IP6K3: variants seen among roughly 807,000 people sequenced by gnomAD.
IP6K3 encodes the protein inositol hexakisphosphate kinase 3.
Under a neutral mutation model 28.8 loss-of-function variants are expected in IP6K3, and 20 were observed. That is an observed-to-expected ratio of 0.70 (90% CI 0.49 to 1.01). The LOEUF is 1.01. IP6K3 is among the 50% of genes least tolerant of loss of function. IP6K3 has a pLI of 0.00. For synonymous variants in IP6K3, 213 were observed against 221.3 expected (o/e 0.96, Z 0.33); for missense variants, 480 against 537.1 (o/e 0.89, Z 1.05).
chr6:33,739,073 C>G (rs1766629812), intron 1 of IP6K3: 1 of 152,252 alleles, frequency 6.6e-6, no homozygotes, highest in Non-Finnish European at 1.5e-5. Flanking sequence ...CAGCAGGGAA[C>G]TGGTTCCTGC....
rs1419243300 is a variant in IP6K3 at position 33,722,828 on chromosome 6, G to A, written c.1125C>T (p.Tyr375=). The change falls in exon 6 of 6, where the codon TAC becomes TAT. Residue 375 remains tyrosine (Y), a synonymous_variant. Transcript: ENST00000293756. ...IRMIDFAHTT[Y]KGYWNEHTTY... ...TGGTGTGCTCATTCCAGTAGCCCTTGTATGTGGTATGAGCAAAGTCAATCA... is the reference window on the plus strand; with the variant it reads ...TGGTGTGCTCATTCCAGTAGCCCTTATATGTGGTATGAGCAAAGTCAATCA... 2 of 1,614,068 alleles carry A rather than the reference G, an allele frequency of 1.2e-6. No individual in the cohort carries two copies. The highest frequency in any genetic ancestry group is 1.7e-6 in the Non-Finnish European group (2 of 1,180,028).
upstream of IP6K3, among the ~76,000 whole-genome samples, chr6:33,748,741 C>T (rs904485521): frequency 3.3e-5 from 5 of 151,462 alleles, no homozygotes; most frequent in Admixed American, 1.3e-4. Flanking sequence ...TGGCTGAGCT[C>T]CTCTCCCATC....
chr6:33,733,485 C>G (rs962362399), intron 2 of IP6K3, among the ~76,000 whole-genome samples: 1 of 152,258 alleles, frequency 6.6e-6, no homozygotes, highest in Non-Finnish European at 1.5e-5. Flanking sequence ...TCCCACTTAG[C>G]CTGCGGCTGC....
chr6:33,725,547 GT>G lies in IP6K3; in HGVS notation c.658del (p.Thr220ProfsTer17). ...CGATGCATCATCGCCGTGCTGCCGG[GT>G]CCCCATCTTCAGATCCAGGACACAG... is the stretch of plus-strand genomic sequence containing the variant. ...HPCVLDLKMGTRQHGDDASEE... is the reference protein window; with the variant it reads ...HPCVLDLKMGXRQHGDDASEE... On this transcript the variant is annotated frameshift_variant, in exon 5 of 6. Coordinates refer to ENST00000293756, the MANE Select transcript of IP6K3 (RefSeq NM_054111.5). LOFTEE classifies it high-confidence loss of function. 6.2e-7 allele frequency: 1 copy of G among 1,614,150 alleles called. No individual in the cohort carries two copies. The highest frequency in any genetic ancestry group is 8.5e-7 in the Non-Finnish European group (1 of 1,180,032).
upstream of IP6K3, among the ~76,000 whole-genome samples, chr6:33,751,133 G>C (rs965249068): frequency 5.3e-5 from 8 of 152,130 alleles, no homozygotes; most frequent in Non-Finnish European, 8.8e-5. This position sits in a 1 kb window ranked among gnomAD's most constrained non-coding sequence, Gnocchi z 4.3. Flanking sequence ...TTGCAGCAAG[G>C]GGGGGCCTTG....
upstream of IP6K3, among the ~76,000 whole-genome samples, chr6:33,748,866 G>A (rs1166275934): frequency 1.3e-5 from 2 of 151,726 alleles, no homozygotes; most frequent in Admixed American, 6.6e-5. Flanking sequence ...GTGGGGATCC[G>A]ATCCTCCCCT....
chr6:33,737,222 C>T (rs559555293), intron 1 of IP6K3, among the ~76,000 whole-genome samples: 34 of 152,298 alleles, frequency 2.2e-4, no homozygotes, highest in Admixed American at 1.3e-3. Flanking sequence ...CCCCTAAAGA[C>T]GTCCTGACTT....
the IP6K3 span, among the ~76,000 whole-genome samples, chr6:33,757,623 G>T: frequency 6.6e-6 from 1 of 152,198 alleles, no homozygotes; most frequent in Non-Finnish European, 1.5e-5. Context: ...GCTAGTTCTC[G>T]TGGGATTTAT....
the IP6K3 span, among the ~76,000 whole-genome samples, chr6:33,756,887 C>T: frequency 6.6e-6 from 1 of 152,232 alleles, no homozygotes; most frequent in Non-Finnish European, 1.5e-5. Flanking sequence ...TCTTGGTCTG[C>T]AGCCCCACCG....
chr6:33,755,062 A>G, the IP6K3 span, among the ~76,000 whole-genome samples: 3 of 152,208 alleles, frequency 2.0e-5, no homozygotes, highest in African/African-American at 7.2e-5. Context: ...CAGGTGAGAC[A>G]TAGTGAGACC....
At position 33,722,080 on chromosome 6, in the gene IP6K3, C is replaced by T. The variant is rs975707838; in HGVS notation, c.*640G>A. 6.6e-6 allele frequency: 1 copy of T among 152,124 alleles called. No individual in the cohort carries two copies. The highest frequency in any genetic ancestry group is 2.4e-5 in the African/African-American group (1 of 41,418). The allele number at this position is 152,124 out of a possible 1,614,324, so 9.4% of individuals were successfully genotyped here. ...GGAAAAAAAAGCCTGTAAAGGGACC[C>T]TCCTTTCCACAGGCAAAAATGGAGA... is the stretch of plus-strand genomic sequence containing the variant. On this transcript the variant is annotated 3_prime_UTR_variant, in exon 6 of 6. Coordinates refer to ENST00000293756, the MANE Select transcript of IP6K3 (RefSeq NM_054111.5).
the IP6K3 span, among the ~76,000 whole-genome samples, chr6:33,761,460 T>G: frequency 6.6e-6 from 1 of 152,226 alleles, no homozygotes; most frequent in Non-Finnish European, 1.5e-5. Flanking sequence ...ACTCCACAGC[T>G]GTGAGACAGT....
chr6:33,728,395 T>C (rs781758871), intron 2 of IP6K3, 95 bp from the exon 3 acceptor site: 15 of 1,138,424 alleles, frequency 1.3e-5, no homozygotes, highest in Non-Finnish European at 1.8e-5. Context: ...TTTAGCTTAA[T>C]GGCCCTGGTC....
the IP6K3 span, among the ~76,000 whole-genome samples, chr6:33,754,853 G>T: frequency 6.6e-6 from 1 of 152,194 alleles, no homozygotes; most frequent in African/African-American, 2.4e-5. Flanking sequence ...CTTATTATGT[G>T]CCAGGCACTG....
Position 33,722,883 on chromosome 6 carries a change from G to C in IP6K3, c.1070C>G (p.Pro357Arg). 6.2e-7 allele frequency: 1 copy of C among 1,614,146 alleles called. No individual in the cohort carries two copies. The highest frequency in any genetic ancestry group is 1.1e-5 in the South Asian group (1 of 91,070). Residue 357 changes from proline to arginine, a missense_variant, in exon 6 of 6, where the codon CCC becomes CGC. Coordinates refer to ENST00000293756, the MANE Select transcript of IP6K3 (RefSeq NM_054111.5). ...GATGTCAACCTTGGTGAGACCACCG[G>C]GAGAGCTACCGTGGGCTGCCTGGGG... is the stretch of plus-strand genomic sequence containing the variant. ...EAPQAAHGSS[P>R]GGLTKVDIRM...
At chr6:33,731,137 A>C (rs1488278689) in intron 2 of IP6K3, among the ~76,000 whole-genome samples, 2 of 152,202 alleles carry the variant, frequency 1.3e-5, no homozygotes, top group Non-Finnish European at 2.9e-5. Context: ...GGAGAGAGCC[A>C]GCAGCCTCGT....
rs751404843 is a variant in IP6K3 at position 33,726,910 on chromosome 6, C to T, written c.414-4G>A. 5.0e-6 allele frequency: 8 copies of T among 1,593,624 alleles called. No individual in the cohort carries two copies. Among genetic ancestry groups the T allele is most frequent in the South Asian group, 2.2e-5 (2 of 89,646 alleles). On this transcript the variant is annotated splice_polypyrimidine_tract_variant and splice_region_variant and intron_variant, in intron 3 of 5. Transcript: ENST00000293756. The stretch of plus-strand genomic sequence containing the variant: ...CCTCAGAAGAGCCTTGGCCGGGCTG[C>T]GGCGGAGTGGAGCACAGGACGGTCA...
intron 1 of IP6K3, among the ~76,000 whole-genome samples, chr6:33,740,360 G>A (rs1292253079): frequency 1.3e-5 from 2 of 152,352 alleles, no homozygotes; most frequent in South Asian, 2.1e-4. Context: ...ATGAAGTAAC[G>A]CTGGGCCTCA....
chr6:33,725,267 G>T (rs1482124910), intron 5 of IP6K3, among the ~76,000 whole-genome samples, 174 bp downstream of exon 5: 2 of 151,782 alleles, frequency 1.3e-5, no homozygotes, highest in African/African-American at 4.8e-5. Flanking sequence ...AAAATTTCCA[G>T]TGTGTCATAG....
Sources: gnomAD v4.1 joint callset for allele counts (sites outside exome capture counted in the v4.1 genomes callset) on GRCh38, gnomAD v4.1.1 for gene constraint, Gnocchi (gnomAD v3.1) non-coding constraint, MANE v1.5 for transcripts, NCBI Gene and HGNC (gene_info 2026-07-23, HGNC 2026-07-21) for gene names.